Variants in CRISPLD2 observed in about 807,000 individuals in gnomAD.
The protein encoded by CRISPLD2 is cysteine-rich secretory protein LCCL domain-containing 2.
In CRISPLD2, 47 loss-of-function variants were observed where a neutral mutation model predicts 71.1. The observed-to-expected ratio is 0.66, with a 90% CI of 0.52 to 0.84. The LOEUF is 0.84. CRISPLD2 is among the 40% of genes least tolerant of loss of function. The pLI, the probability that CRISPLD2 is intolerant of heterozygous loss-of-function variation, is 0.00. For synonymous variants in CRISPLD2, 317 were observed against 250.1 expected (o/e 1.27, Z -2.52); for missense variants, 830 against 651.1 (o/e 1.27, Z -2.99).
chr16:84,877,530 TC>T lies in CRISPLD2; in HGVS notation c.1229+21del. On this transcript the variant is annotated intron_variant, in intron 12 of 14. Transcript: ENST00000262424. Reference sequence around the variant, plus strand: ...CCCAAGGTAAGGCGGGCCTGATCTGTCATCTTTTCTATGGAAGATGTTAGAA... The same window carrying T: ...CCCAAGGTAAGGCGGGCCTGATCTGTATCTTTTCTATGGAAGATGTTAGAA... 6.2e-7 allele frequency: 1 copy of T among 1,611,800 alleles called. No homozygotes were observed. Among genetic ancestry groups the T allele is most frequent in the Non-Finnish European group, 8.5e-7 (1 of 1,178,100 alleles).
At chr16:84,875,528 T>TAG (rs1567697825) in intron 11 of CRISPLD2, among the ~76,000 whole-genome samples, 1 of 150,476 alleles carries the variant, frequency 6.6e-6, no homozygotes, top group Non-Finnish European at 1.5e-5. Context: ...GCCAAAAGAT[T>TAG]AGACACCCTT....
chr16:84,854,904 C>T, intron 6 of CRISPLD2, 75 bp downstream of exon 6: 1 of 1,166,636 alleles, frequency 8.6e-7, no homozygotes, highest in Admixed American at 1.7e-5. Context: ...TTACATGAAA[C>T]AGGGGAATTA....
intron 6 of CRISPLD2, among the ~76,000 whole-genome samples, chr16:84,863,409 AT>A (rs371375155): frequency 5.8e-4 from 89 of 152,366 alleles, no homozygotes; most frequent in African/African-American, 2.0e-3. Flanking sequence ...TACCAAGAGC[AT>A]ATCCAGGGTG....
At chr16:84,825,060 C>T (rs569246931) in intron 1 of CRISPLD2, among the ~76,000 whole-genome samples, 22 of 152,006 alleles carry the variant, frequency 1.4e-4, no homozygotes, top group Non-Finnish European at 1.9e-4. Flanking sequence ...GCCGAGATCA[C>T]GCCACCACTG....
At chr16:84,849,202 G>C (rs1567686384) in intron 3 of CRISPLD2, 183 bp from the exon 4 acceptor site, 3 of 600,254 alleles carry the variant, frequency 5.0e-6, no homozygotes, top group Non-Finnish European at 8.8e-6. Context: ...GGCTGCTCCT[G>C]GAATTGGGGG....
chr16:84,841,490 C>A (rs1184287842), intron 2 of CRISPLD2, among the ~76,000 whole-genome samples: 1 of 151,816 alleles, frequency 6.6e-6, no homozygotes, highest in Non-Finnish European at 1.5e-5. Context: ...GAGGAGCCTG[C>A]CTTTTTTTCT....
intron 13 of CRISPLD2, among the ~76,000 whole-genome samples, chr16:84,888,628 C>T (rs956543815): frequency 3.3e-5 from 5 of 152,248 alleles, no homozygotes; most frequent in Non-Finnish European, 7.3e-5. Flanking sequence ...TCCTGCCACG[C>T]TCTGCCTGAC....
In CRISPLD2 at chr16:84,873,118, C is replaced by G; in HGVS notation, c.1108C>G (p.Leu370Val). 6.2e-7 allele frequency: 1 copy of G among 1,612,982 alleles called. No individual in the cohort carries two copies. The highest frequency in any genetic ancestry group is 8.5e-7 in the Non-Finnish European group (1 of 1,179,576). The change falls in exon 10 of 15, where the codon CTC becomes GTC. Residue 370 changes from leucine (L) to valine (V), a missense_variant. By Grantham distance (32) the Leu-to-Val change is conservative (BLOSUM62 1). Coordinates refer to ENST00000262424, the MANE Select transcript of CRISPLD2 (RefSeq NM_031476.4). The part of the protein sequence containing the change: ...VKSERHGVQS[L>V]SKYKPSSSFM... Reference sequence around the variant, plus strand: ...GTCTGAGAGACACGGCGTGCAGTCCCTCAGGTAACTACTCTGTGATCGGGG... The same window carrying G: ...GTCTGAGAGACACGGCGTGCAGTCCGTCAGGTAACTACTCTGTGATCGGGG...
chr16:84,839,469 T>A (rs1002755043), intron 2 of CRISPLD2: 1 of 162,130 alleles, frequency 6.2e-6, no homozygotes, highest in Non-Finnish European at 1.3e-5. Flanking sequence ...GACTGTGAGA[T>A]AAGTCGAGGC....
intron 14 of CRISPLD2, among the ~76,000 whole-genome samples, chr16:84,904,818 A>G (rs1461244046): frequency 6.6e-6 from 1 of 152,172 alleles, no homozygotes; most frequent in African/African-American, 2.4e-5. Context: ...CTCAAAATGG[A>G]TCCAAGGCTG....
At chr16:84,869,238 T>C (rs1002676536) in intron 8 of CRISPLD2, among the ~76,000 whole-genome samples, 1 of 152,182 alleles carries the variant, frequency 6.6e-6, no homozygotes, top group African/African-American at 2.4e-5. Flanking sequence ...ATGAACGCTG[T>C]CTGCCAAAAA....
intron 4 of CRISPLD2, among the ~76,000 whole-genome samples, chr16:84,849,801 C>A (rs1026867396): frequency 1.5e-4 from 22 of 150,864 alleles, no homozygotes; most frequent in Admixed American, 2.6e-4. Flanking sequence ...TAGTGCAGCC[C>A]CAAACTCCTG....
chr16:84,896,731 C>G (rs1258061691), intron 14 of CRISPLD2, among the ~76,000 whole-genome samples: 1 of 152,146 alleles, frequency 6.6e-6, no homozygotes, highest in Non-Finnish European at 1.5e-5. Flanking sequence ...CACCGTAAGT[C>G]AGGGAGCATC....
At chr16:84,845,644 T>C (rs1244139042) in intron 2 of CRISPLD2, 142 bp from the exon 3 acceptor site, 2 of 658,996 alleles carry the variant, frequency 3.0e-6, no homozygotes, top group Non-Finnish European at 5.3e-6. Flanking sequence ...CCCCCCTGGC[T>C]GATTTAGGAA....
chr16:84,858,514 T>G lies in CRISPLD2; in HGVS notation c.709+3685T>G, dbSNP rs963871265. Among the ~76,000 whole-genome samples, 9 of 152,294 alleles carry G rather than the reference T, an allele frequency of 5.9e-5. No individual in the cohort carries two copies. In the East Asian group the frequency reaches 1.7e-3, roughly 29 times the overall value. On this transcript the variant is annotated intron_variant, in intron 6 of 14. Transcript: ENST00000262424. Reference sequence around the variant, plus strand: ...TACCAAGGTAGAAGTTTCCTGAATTTTAGTCAAATTTATTTCCCATCCTCT... The same window carrying G: ...TACCAAGGTAGAAGTTTCCTGAATTGTAGTCAAATTTATTTCCCATCCTCT...
intron 11 of CRISPLD2, among the ~76,000 whole-genome samples, chr16:84,876,364 T>G (rs939846712): frequency 2.0e-5 from 3 of 151,486 alleles, no homozygotes; most frequent in African/African-American, 7.3e-5. Context: ...TATCCAGGTG[T>G]GGTGGCAGGC....
At chr16:84,830,012 G>C (rs1355913120) in intron 1 of CRISPLD2, among the ~76,000 whole-genome samples, 1 of 152,216 alleles carries the variant, frequency 6.6e-6, no homozygotes, top group African/African-American at 2.4e-5. Context: ...GCTCATACCA[G>C]CTCTTGAGAG....
chr16:84,867,825 C>T (rs1374112308), intron 7 of CRISPLD2, among the ~76,000 whole-genome samples: 1 of 152,196 alleles, frequency 6.6e-6, no homozygotes, highest in Non-Finnish European at 1.5e-5. Context: ...TCACCTTTGG[C>T]CTTTTGGCTC....
chr16:84,847,379 A>T (rs558907462), intron 3 of CRISPLD2, among the ~76,000 whole-genome samples: 2 of 152,134 alleles, frequency 1.3e-5, no homozygotes, highest in African/African-American at 4.8e-5. Flanking sequence ...AGGCTGGGCA[A>T]GGTGGCTCAT....
Sources: gnomAD v4.1 joint callset for allele counts (sites outside exome capture counted in the v4.1 genomes callset) on GRCh38, gnomAD v4.1.1 for gene constraint, MANE v1.5 for transcripts, NCBI Gene and HGNC (gene_info 2026-07-23, HGNC 2026-07-21) for gene names.